The following NRAP variants were observed in gnomAD, a reference collection of about 807,000 sequenced individuals.
NRAP encodes the protein nebulin-related-anchoring protein.
NRAP carries 189 observed loss-of-function variants against 225.9 expected under a neutral mutation model. The ratio of observed to expected loss-of-function variants is 0.84; its 90% confidence interval spans 0.74 to 0.94. The LOEUF is 0.94. Ranked by LOEUF, NRAP falls within the 40% of genes least tolerant of loss-of-function variation. The probability of loss-of-function intolerance (pLI) is 0.00; values close to 1 mark genes in which losing one functional copy is unlikely to be tolerated. For synonymous variants in NRAP, 769 were observed against 790.7 expected (o/e 0.97, Z 0.46); for missense variants, 2,176 against 2,168.7 (o/e 1.00, Z -0.07).
At chr10:113,634,750 A>G (rs1207410423) in intron 14 of NRAP, among the ~76,000 whole-genome samples, 1 of 152,222 alleles carries the variant, frequency 6.6e-6, no homozygotes, top group African/African-American at 2.4e-5. Flanking sequence ...TAATTAAAGC[A>G]GTATATCCAC....
intron 9 of NRAP, among the ~76,000 whole-genome samples, chr10:113,648,050 G>A (rs960014350): frequency 5.9e-5 from 9 of 152,168 alleles, no homozygotes; most frequent in African/African-American, 2.2e-4. Context: ...GCCCCAGGCA[G>A]AGTCCTCTGT....
At chr10:113,637,384 C>A (rs1848934978) in intron 14 of NRAP, among the ~76,000 whole-genome samples, 2 of 152,170 alleles carry the variant, frequency 1.3e-5, no homozygotes, top group African/African-American at 4.8e-5. Flanking sequence ...GTCTGCCTCG[C>A]AAGGTGGCTC....
intron 14 of NRAP, among the ~76,000 whole-genome samples, chr10:113,639,466 T>C (rs1849073578): frequency 6.6e-6 from 1 of 152,220 alleles, no homozygotes; most frequent in African/African-American, 2.4e-5. Context: ...CAAAGGAAAG[T>C]AGCACTTGAC....
intron 25 of NRAP, among the ~76,000 whole-genome samples, chr10:113,619,619 CAA>C (rs33990694): frequency 0.26 from 36,951 of 143,014 alleles, 5,256 homozygotes; most frequent in Middle Eastern, 0.38. Flanking sequence ...AAAGACTCCT[CAA>C]AAAAAAAAAA....
chr10:113,589,712 G>A lies in NRAP; in HGVS notation c.5042C>T (p.Ala1681Val), dbSNP rs765105423. Residue 1681 changes from alanine to valine, a missense_variant, in exon 41 of 42, where the codon GCT becomes GTT. By Grantham distance (64) the Ala-to-Val change is moderately conservative (BLOSUM62 0). Around this residue, in one of 3 missense-constraint regions of NRAP, gnomAD observed 445 missense variants for 426.1 expected, o/e 1.04. Transcript: ENST00000359988. Reference protein sequence around the residue: ...GSYKVEMARRAAELANARGLG... With the variant: ...GSYKVEMARRVAELANARGLG... ...GCCCCTTGCGTTGGCCAGTTCCGCA[G>A]CCCGCCGAGCCATTTCCACTTTGTA... is the stretch of plus-strand genomic sequence containing the variant. 5.6e-6 allele frequency: 9 copies of A among 1,613,950 alleles called. No individual in the cohort carries two copies. The highest frequency in any genetic ancestry group is 7.6e-6 in the Non-Finnish European group (9 of 1,180,032).
chr10:113,612,184 G>C (rs1422723565), intron 30 of NRAP, 50 bp downstream of exon 30: 1 of 1,488,174 alleles, frequency 6.7e-7, no homozygotes, highest in East Asian at 2.3e-5. Context: ...TCACCACCCT[G>C]AGGTCCTAAG....
chr10:113,651,854 C>T lies in NRAP; in HGVS notation c.624G>A (p.Val208=), dbSNP rs528148196. 1.7e-5 allele frequency: 27 copies of T among 1,613,392 alleles called. No individual in the cohort carries two copies. Among genetic ancestry groups the T allele is most frequent in the Admixed American group, 8.3e-5 (5 of 60,008 alleles). The change falls in exon 7 of 42, where the codon GTG becomes GTA. Residue 208 remains valine (V), a synonymous_variant. Coordinates refer to ENST00000359988, the MANE Select transcript of NRAP (RefSeq NM_198060.4). ...DERISRFSTV[V]DTPELLRSKA... is the part of the protein sequence containing the mutation. ...TGCTCCGTAGCAGCTCAGGAGTATC[C>T]ACCACCGTGGAGAACCTGGAGATGC... is the stretch of plus-strand genomic sequence containing the variant.
At chr10:113,615,481 T>G (rs932818453) in intron 27 of NRAP, among the ~76,000 whole-genome samples, 1 of 152,264 alleles carries the variant, frequency 6.6e-6, no homozygotes, top group Admixed American at 6.5e-5. Context: ...TGTCCCCAGA[T>G]CATTCTTTCA....
chr10:113,643,293 T>C (rs574254467), intron 11 of NRAP, among the ~76,000 whole-genome samples: 13 of 152,346 alleles, frequency 8.5e-5, no homozygotes, highest in African/African-American at 2.9e-4. Context: ...TAAGATTTCA[T>C]AACTCAAAAA....
intron 35 of NRAP, among the ~76,000 whole-genome samples, chr10:113,604,169 T>C (rs1336498884): frequency 2.0e-5 from 3 of 152,082 alleles, no homozygotes; most frequent in Non-Finnish European, 4.4e-5. Context: ...CAGGCTGGAG[T>C]GCAGTGGCGC....
chr10:113,618,820 C>T, intron 25 of NRAP, among the ~76,000 whole-genome samples: 1 of 152,136 alleles, frequency 6.6e-6, no homozygotes, highest in Admixed American at 6.5e-5. Context: ...GTGGTGGGTG[C>T]CTGTCATCTC....
Position 113,598,065 on chromosome 10 carries a change from G to T in NRAP, c.4236C>A (p.Tyr1412Ter). 3.1e-6 allele frequency: 5 copies of T among 1,611,802 alleles called. No individual in the cohort carries two copies. The highest frequency in any genetic ancestry group is 4.2e-6 in the Non-Finnish European group (5 of 1,178,140). ...CCTTCATGCCGATCAGGTCTGACTTGTAGCGCAACTGCAGGGAAAAAAATC... is the reference window on the plus strand; with the variant it reads ...CCTTCATGCCGATCAGGTCTGACTTTTAGCGCAACTGCAGGGAAAAAAATC... ...KAHALQSELR[Y>*]KSDLIGMKGI... is the part of the protein sequence containing the mutation. Residue 1412 changes from tyrosine (Y) to a stop codon, truncating the protein, a stop_gained, in exon 36 of 42, where the codon TAC becomes TAA. Transcript: ENST00000359988. LOFTEE classifies it high-confidence loss of function.
rs370263248 is a variant in NRAP at position 113,645,846 on chromosome 10, G to A, written c.1089C>T (p.Ser363=). The change falls in exon 11 of 42, where the codon AGC becomes AGT. Residue 363 remains serine, a synonymous_variant. Coordinates refer to ENST00000359988, the MANE Select transcript of NRAP (RefSeq NM_198060.4). ...QDNLVLKQAQ[S]VNKLVSEVEY... is the part of the protein sequence containing the mutation. ...GCACCTCACTCACGAGTTTGTTTACGCTCTGAGCCTGTTTGAGAACCAAGT... is the reference window on the plus strand; with the variant it reads ...GCACCTCACTCACGAGTTTGTTTACACTCTGAGCCTGTTTGAGAACCAAGT... 6.4e-5 allele frequency: 103 copies of A among 1,599,464 alleles called. No homozygotes were observed. The highest frequency in any genetic ancestry group is 1.4e-4 in the South Asian group (13 of 90,184).
intron 38 of NRAP, among the ~76,000 whole-genome samples, 191 bp downstream of exon 38, chr10:113,595,432 T>G (rs76127768): frequency 1.3e-5 from 2 of 151,710 alleles, no homozygotes; most frequent in Non-Finnish European, 2.9e-5. Context: ...ATTTTGCAGA[T>G]AAAAAAAACA....
At position 113,589,780 on chromosome 10, in the gene NRAP, G is replaced by A. The variant is rs1017080064; in HGVS notation, c.4974C>T (p.Asp1658=). 1 of 1,614,102 alleles carries A rather than the reference G, an allele frequency of 6.2e-7. No homozygotes were observed. The highest frequency in any genetic ancestry group is 2.2e-5 in the East Asian group (1 of 44,878). ...QLQSDVKYKS[D]LNLTRGVGWT... ...AGCCAACACCTCTGGTCAGGTTCAA[G>A]TCTGATTTATACTTGACCTTGAGGG... is the stretch of plus-strand genomic sequence containing the variant. Residue 1658 remains aspartate, a synonymous_variant, in exon 41 of 42, where the codon GAC becomes GAT. Coordinates refer to ENST00000359988, the MANE Select transcript of NRAP (RefSeq NM_198060.4).
At chr10:113,622,800 C>T (rs1848075759) in intron 23 of NRAP, among the ~76,000 whole-genome samples, 1 of 152,206 alleles carries the variant, frequency 6.6e-6, no homozygotes, top group Non-Finnish European at 1.5e-5. Flanking sequence ...TCAAGTGCAT[C>T]CACAGACCAG....
At position 113,589,012 on chromosome 10, in the gene NRAP, A is replaced by G; in HGVS notation, c.5156T>C (p.Ile1719Thr). 53 of 1,613,910 alleles carry G rather than the reference A, an allele frequency of 3.3e-5. No individual in the cohort carries two copies. Among genetic ancestry groups the G allele is most frequent in the Non-Finnish European group, 4.5e-5 (53 of 1,179,960 alleles). The change falls in exon 42 of 42, where the codon ATT (isoleucine) becomes ACT (threonine). Residue 1719 changes from isoleucine (I) to threonine (T), a missense_variant. Around this residue, in one of 3 missense-constraint regions of NRAP, gnomAD observed 445 missense variants for 426.1 expected, o/e 1.04. Coordinates refer to ENST00000359988, the MANE Select transcript of NRAP (RefSeq NM_198060.4). Reference sequence around the variant, plus strand: ...GGCCTTCTTCTTTTTGACGTGCAGAATCTCAGTGGCATCTGGGTTCACCTC... The same window carrying G: ...GGCCTTCTTCTTTTTGACGTGCAGAGTCTCAGTGGCATCTGGGTTCACCTC... ...SGEVNPDATE[I>T]LHVKKKKALL...
chr10:113,645,986 G>C (rs754144590), intron 10 of NRAP, 45 bp from the exon 11 acceptor site: 1 of 977,208 alleles, frequency 1.0e-6, no homozygotes, highest in South Asian at 1.6e-5. Flanking sequence ...ATGTTTCCAT[G>C]CTCTGGGAGG....
chr10:113,647,075 A>C, intron 9 of NRAP, 48 bp from the exon 10 acceptor site: 2 of 1,199,934 alleles, frequency 1.7e-6, no homozygotes, highest in South Asian at 1.2e-5. Flanking sequence ...CCCTCCCCAG[A>C]TGGGTGGGGT....
Sources: allele counts gnomAD v4.1 joint callset (sites outside exome capture counted in the v4.1 genomes callset), GRCh38; gene constraint gnomAD v4.1.1; regional missense constraint gnomAD v4.1.1; transcripts MANE v1.5; gene names NCBI Gene and HGNC (gene_info 2026-07-23, HGNC 2026-07-21).